OPN3: variants seen among roughly 807,000 people sequenced by gnomAD.
The protein encoded by OPN3 is opsin 3.
Under a neutral mutation model 33.8 loss-of-function variants are expected in OPN3, and 29 were observed. The ratio of observed to expected loss-of-function variants is 0.86; its 90% CI spans 0.64 to 1.17. OPN3 has a LOEUF of 1.17. Ranked by LOEUF, OPN3 falls within the 50% of genes most tolerant of loss-of-function variation. The probability of loss-of-function intolerance (pLI) is 0.00; values close to 1 mark genes in which losing one functional copy is unlikely to be tolerated. For missense variants in OPN3, 437 were observed against 514.1 expected, an observed-to-expected ratio of 0.85 and a Z score of 1.45; for synonymous variants, 216 against 216.1, an observed-to-expected ratio of 1.00 and a Z score of 0.00.
intron 1 of OPN3, among the ~76,000 whole-genome samples, chr1:241,608,082 A>C (rs1202271003): frequency 6.6e-6 from 1 of 152,220 alleles, no homozygotes; most frequent in East Asian, 1.9e-4. Flanking sequence ...AAACTTTCTT[A>C]TTAAGTATAA....
chr1:241,596,945 C>A (rs985536487), intron 3 of OPN3, among the ~76,000 whole-genome samples: 2 of 152,170 alleles, frequency 1.3e-5, no homozygotes, highest in African/African-American at 4.8e-5. Flanking sequence ...TCATCTCAGG[C>A]CCCTGAGTAG....
chr1:241,615,529 C>G (rs1664103067), intron 1 of OPN3, among the ~76,000 whole-genome samples: 1 of 152,216 alleles, frequency 6.6e-6, no homozygotes, highest in South Asian at 2.1e-4. Flanking sequence ...GAAAGCCTTT[C>G]TTAGGAAACA....
chr1:241,619,344 T>C (rs1664216740), intron 1 of OPN3, among the ~76,000 whole-genome samples: 1 of 151,960 alleles, frequency 6.6e-6, no homozygotes, highest in Admixed American at 6.6e-5. Flanking sequence ...GTTGAGAGAG[T>C]CAGTACCGAT....
chr1:241,601,290 A>G (rs1226509466), intron 2 of OPN3: 3 of 152,136 alleles, frequency 2.0e-5, no homozygotes, highest in Admixed American at 2.0e-4. Flanking sequence ...CTTGAGAACA[A>G]CTACTCTGAT....
chr1:241,598,481 C>T (rs1309496095), intron 2 of OPN3, among the ~76,000 whole-genome samples: 2 of 152,118 alleles, frequency 1.3e-5, no homozygotes, highest in Non-Finnish European at 2.9e-5. Context: ...CACTTAATTC[C>T]CAAGTGAATT....
At chr1:241,632,388 C>T (rs760364068) in intron 1 of OPN3, 15 of 152,138 alleles carry the variant, frequency 9.9e-5, no homozygotes, top group Non-Finnish European at 1.9e-4. Context: ...ATTTGCCTCA[C>T]AGGATTGTTG....
chr1:241,636,086 A>C, intron 1 of OPN3: 1 of 439,952 alleles, frequency 2.3e-6, no homozygotes, highest in Non-Finnish European at 4.0e-6. Context: ...GAAAGAAGAA[A>C]ATTCAAGAAA....
chr1:241,599,732 C>G (rs1663630650), intron 2 of OPN3, among the ~76,000 whole-genome samples: 1 of 152,132 alleles, frequency 6.6e-6, no homozygotes, highest in South Asian at 2.1e-4. Flanking sequence ...AGATTAACCA[C>G]TTTTGCTCGC....
chr1:241,597,671 C>T, intron 3 of OPN3, 75 bp downstream of exon 3: 5 of 1,412,616 alleles, frequency 3.5e-6, no homozygotes, highest in East Asian at 2.4e-5. Flanking sequence ...TCTGAATCAC[C>T]TCTGTAAAAG....
chr1:241,604,928 G>A (rs541450143), intron 1 of OPN3, among the ~76,000 whole-genome samples: 1 of 151,798 alleles, frequency 6.6e-6, no homozygotes, highest in Non-Finnish European at 1.5e-5. Flanking sequence ...GGTGCCATAC[G>A]CCTGTGGTCC....
chr1:241,596,843 G>C (rs1000819049), intron 3 of OPN3, among the ~76,000 whole-genome samples: 2 of 152,020 alleles, frequency 1.3e-5, no homozygotes. Context: ...TCTTCTTTTT[G>C]AGACAGGGTC....
intron 1 of OPN3, chr1:241,634,517 C>A (rs80336474): frequency 3.1e-6 from 5 of 1,613,850 alleles, no homozygotes; most frequent in Non-Finnish European, 4.2e-6. Flanking sequence ...TGCTTTACAT[C>A]GTCCAGATTC....
At chr1:241,598,823 T>C (rs1293880060) in intron 2 of OPN3, among the ~76,000 whole-genome samples, 3 of 152,212 alleles carry the variant, frequency 2.0e-5, no homozygotes, top group African/African-American at 4.8e-5. Flanking sequence ...AATAGTTCTC[T>C]CTAAACATTG....
intron 1 of OPN3, chr1:241,632,025 G>A (rs1180949943): frequency 6.6e-6 from 1 of 152,136 alleles, no homozygotes; most frequent in Non-Finnish European, 1.5e-5. Context: ...GTTTGGCTGT[G>A]TTCCCACTCA....
intron 2 of OPN3, among the ~76,000 whole-genome samples, chr1:241,599,708 T>A: frequency 6.6e-6 from 1 of 152,160 alleles, no homozygotes; most frequent in East Asian, 1.9e-4. Context: ...TTAGAAGATC[T>A]AAGTTTATAT....
At chr1:241,622,852 T>A (rs1664305422) in intron 1 of OPN3, among the ~76,000 whole-genome samples, 1 of 152,294 alleles carries the variant, frequency 6.6e-6, no homozygotes, top group South Asian at 2.1e-4. Context: ...AAAGTGGCAC[T>A]GGCTTCGAGC....
Position 241,640,217 on chromosome 1 carries a change from C to T in OPN3, c.38G>A (p.Trp13Ter). 7.5e-7 allele frequency: 1 copy of T among 1,342,156 alleles called. No homozygotes were observed. The highest frequency in any genetic ancestry group is 9.5e-7 in the Non-Finnish European group (1 of 1,054,132). The allele number at this position is 1,342,156 out of a possible 1,614,324, so 83.1% of individuals were successfully genotyped here. The change falls in exon 1 of 4, where the codon TGG (tryptophan) becomes TAG (stop). Residue 13 changes from tryptophan (W) to a stop codon, truncating the protein, a stop_gained. Transcript: ENST00000366554. LOFTEE classifies it high-confidence loss of function. Reference protein sequence around the residue: ...SGNRSGGHGYWDGGGAAGAEG... With the variant: ...SGNRSGGHGY The stretch of plus-strand genomic sequence containing the variant: ...AGCGCCCGCGGCCCCGCCGCCGTCC[C>T]AGTAGCCGTGGCCGCCGCTGCGGTT...
At chr1:241,635,232 C>G (rs755582121) in intron 1 of OPN3, 3 of 1,613,672 alleles carry the variant, frequency 1.9e-6, no homozygotes, top group Admixed American at 3.3e-5. Context: ...CAATACTTTT[C>G]CTTCTCCACT....
At chr1:241,634,390 G>T (rs1268064924) in intron 1 of OPN3, 2 of 1,613,896 alleles carry the variant, frequency 1.2e-6, no homozygotes, top group South Asian at 1.1e-5. Flanking sequence ...GATCTGTAAT[G>T]AGTACTGCCC....
Sources: gnomAD v4.1 joint callset for allele counts (sites outside exome capture counted in the v4.1 genomes callset) on GRCh38, gnomAD v4.1.1 for gene constraint, MANE v1.5 for transcripts, NCBI Gene and HGNC (gene_info 2026-07-23, HGNC 2026-07-21) for gene names.